The following SGCZ variants were observed in gnomAD, a reference collection of about 807,000 sequenced individuals.
The protein encoded by SGCZ is sarcoglycan zeta.
In SGCZ, 40 loss-of-function variants were observed where a neutral mutation model predicts 41.3. The observed-to-expected ratio is 0.97, with a 90% CI of 0.75 to 1.26. SGCZ has a LOEUF of 1.26. SGCZ is among the 50% of genes most tolerant of loss of function. The pLI is 0.00. For synonymous variants in SGCZ, 206 were observed against 137.5 expected (o/e 1.50, Z -3.49); for missense variants, 552 against 369.8 (o/e 1.49, Z -4.04).
chr8:15,171,377 C>A (rs1047528072), intron 1 of SGCZ, among the ~76,000 whole-genome samples: 2 of 152,074 alleles, frequency 1.3e-5, no homozygotes, highest in African/African-American at 4.8e-5. Flanking sequence ...ACATAAATAC[C>A]CTTTTCCATA....
At chr8:14,622,526 G>A (rs1314033151) in intron 1 of SGCZ, among the ~76,000 whole-genome samples, 1 of 152,166 alleles carries the variant, frequency 6.6e-6, no homozygotes, top group East Asian at 1.9e-4. Context: ...AGAACTAGAT[G>A]TCACCTGAAA....
chr8:15,018,881 G>A (rs1803142535), intron 1 of SGCZ, among the ~76,000 whole-genome samples: 1 of 152,210 alleles, frequency 6.6e-6, no homozygotes, highest in Non-Finnish European at 1.5e-5. Flanking sequence ...CAATCATGGT[G>A]GAAGGCGGAG....
chr8:14,798,237 G>A (rs933198649), intron 1 of SGCZ, among the ~76,000 whole-genome samples: 3 of 152,192 alleles, frequency 2.0e-5, no homozygotes, highest in Admixed American at 1.3e-4. Flanking sequence ...TTGACCCAAT[G>A]AGGAAAGTAT....
chr8:15,129,115 T>C (rs1056281159), intron 1 of SGCZ, among the ~76,000 whole-genome samples: 3 of 152,184 alleles, frequency 2.0e-5, no homozygotes, highest in Admixed American at 6.5e-5. Flanking sequence ...AAATAAAGTA[T>C]CTTCTTCTTT....
At chr8:14,318,702 A>G (rs190017197) in intron 3 of SGCZ, among the ~76,000 whole-genome samples, 1 of 152,010 alleles carries the variant, frequency 6.6e-6, no homozygotes, top group Non-Finnish European at 1.5e-5. Context: ...TCAAAACCTC[A>G]GAAGAGACAG....
chr8:14,235,704 A>G (rs745371322), intron 4 of SGCZ, among the ~76,000 whole-genome samples: 1 of 152,100 alleles, frequency 6.6e-6, no homozygotes, highest in South Asian at 2.1e-4. Context: ...CGTTTTTTTG[A>G]GACAGAGTCT....
intron 1 of SGCZ, among the ~76,000 whole-genome samples, chr8:15,162,076 G>C (rs1395067112): frequency 6.6e-6 from 1 of 152,176 alleles, no homozygotes; most frequent in Non-Finnish European, 1.5e-5. Flanking sequence ...AACAGAATCA[G>C]TTTCTTAAAG....
chr8:14,891,834 C>T (rs1805030341), intron 1 of SGCZ, among the ~76,000 whole-genome samples: 1 of 152,310 alleles, frequency 6.6e-6, no homozygotes, highest in East Asian at 1.9e-4. Context: ...CAGTCAGCAT[C>T]TTAACATGCA....
In SGCZ at chr8:14,241,601, C is replaced by A. The variant is rs549367666; in HGVS notation, c.337-3922G>T. Among the ~76,000 whole-genome samples, 395 of 151,412 alleles carry A rather than the reference C, an allele frequency of 2.6e-3. 2 individuals are homozygous for A. The highest frequency in any genetic ancestry group is 4.4e-3 in the Non-Finnish European group (297 of 67,856). ...TGATGTAGTTATTTTTCCTCCAAGC[C>A]AATAAATCTCCTATAACAGAAATAA... On this transcript the variant is annotated intron_variant, in intron 3 of 7. Transcript: ENST00000382080.
intron 1 of SGCZ, among the ~76,000 whole-genome samples, chr8:15,051,657 C>T (rs78325445): frequency 0.01 from 1,539 of 152,148 alleles, 34 homozygotes; most frequent in African/African-American, 0.035. Flanking sequence ...TCTTGCCCAC[C>T]GTTGGTGTTA....
chr8:14,437,273 A>C (rs1349288630), intron 2 of SGCZ, among the ~76,000 whole-genome samples: 1 of 152,174 alleles, frequency 6.6e-6, no homozygotes, highest in Non-Finnish European at 1.5e-5. Flanking sequence ...ATATTTAATG[A>C]AATAATTTCT....
At chr8:14,627,305 C>A (rs924521146) in intron 1 of SGCZ, among the ~76,000 whole-genome samples, 1 of 152,130 alleles carries the variant, frequency 6.6e-6, no homozygotes, top group African/African-American at 2.4e-5. Context: ...GATATATTAA[C>A]ACACAAATAT....
At chr8:14,707,932 G>C (rs956778472) in intron 1 of SGCZ, among the ~76,000 whole-genome samples, 1 of 151,880 alleles carries the variant, frequency 6.6e-6, no homozygotes, top group Admixed American at 6.6e-5. Context: ...GTATGATTTG[G>C]GGTTCAGAGA....
chr8:15,210,673 C>T (rs1801207288), intron 1 of SGCZ, among the ~76,000 whole-genome samples: 1 of 151,978 alleles, frequency 6.6e-6, no homozygotes. Flanking sequence ...TCCAATACTC[C>T]CTCATGATCT....
At chr8:14,600,466 C>A (rs1200834390) in intron 1 of SGCZ, among the ~76,000 whole-genome samples, 1 of 152,150 alleles carries the variant, frequency 6.6e-6, no homozygotes, top group Non-Finnish European at 1.5e-5. Context: ...GGACTGGAAT[C>A]TTTACCCTGA....
At chr8:14,176,290 A>G (rs1339304723) in intron 4 of SGCZ, among the ~76,000 whole-genome samples, 2 of 152,338 alleles carry the variant, frequency 1.3e-5, no homozygotes, top group East Asian at 3.9e-4. Flanking sequence ...ATTTTAACAT[A>G]TTACATCATG....
intron 1 of SGCZ, among the ~76,000 whole-genome samples, chr8:14,640,955 G>C (rs998435460): frequency 6.6e-6 from 1 of 151,608 alleles, no homozygotes; most frequent in Non-Finnish European, 1.5e-5. Flanking sequence ...CTCCCTGAAG[G>C]CTATAAAGTT....
intron 3 of SGCZ, among the ~76,000 whole-genome samples, chr8:14,250,238 G>C (rs1012040743): frequency 6.6e-6 from 1 of 152,124 alleles, no homozygotes; most frequent in African/African-American, 2.4e-5. Context: ...CCAAATCATA[G>C]ATCAAGTAGA....
chr8:15,183,036 C>T (rs918738534), intron 1 of SGCZ, among the ~76,000 whole-genome samples: 5 of 152,220 alleles, frequency 3.3e-5, no homozygotes, highest in African/African-American at 9.6e-5. Flanking sequence ...TCATCCCCCG[C>T]ATCTTGTCCC....
Sources: allele counts gnomAD v4.1 joint callset (sites outside exome capture counted in the v4.1 genomes callset), GRCh38; gene constraint gnomAD v4.1.1; transcripts MANE v1.5; gene names NCBI Gene and HGNC (gene_info 2026-07-23, HGNC 2026-07-21).